SIGLEC6: variants seen among roughly 807,000 people sequenced by gnomAD.
SIGLEC6 encodes sialic acid binding Ig like lectin 6.
A neutral mutation model predicts 41.4 loss-of-function variants in SIGLEC6; 31 were observed. The observed-to-expected ratio is 0.75, with a 90% CI of 0.56 to 1.01. The LOEUF (loss-of-function observed/expected upper bound fraction) is 1.01, where lower values mean the gene tolerates loss of function less well. Among genes scored for constraint, SIGLEC6 ranks in the 50% least tolerant of loss-of-function variants. SIGLEC6 has a pLI of 0.00. For synonymous variants in SIGLEC6, 217 were observed against 231.0 expected (o/e 0.94, Z 0.55); for missense variants, 555 against 558.6 (o/e 0.99, Z 0.06).
rs760911665 is a variant in SIGLEC6, at chr19:51,531,244, C to T, written c.343G>A (p.Asp115Asn). 4.3e-6 allele frequency: 7 copies of T among 1,614,034 alleles called. No homozygotes were observed. The highest frequency in any genetic ancestry group is 5.9e-6 in the Non-Finnish European group (7 of 1,179,952). Residue 115 changes from aspartate (D) to asparagine (N), a missense_variant, in exon 2 of 8, where the codon GAC (aspartate) becomes AAC (asparagine). Coordinates refer to ENST00000425629, the MANE Select transcript of SIGLEC6 (RefSeq NM_001245.7). The stretch of plus-strand genomic sequence containing the variant: ...AACCGAAAGAAGTATGCAGCATTGT[C>T]CCTCCTCCGGGCATCTCTGATGCTC... ...SLSIRDARRR[D>N]NAAYFFRLKS...
intron 4 of SIGLEC6, 113 bp from the exon 5 acceptor site, chr19:51,530,094 G>C (rs1213341418): frequency 4.6e-6 from 6 of 1,309,984 alleles, no homozygotes. Flanking sequence ...AGTAAAGTGG[G>C]GGCCTCAGGT....
intron 7 of SIGLEC6, among the ~76,000 whole-genome samples, chr19:51,522,522 T>A (rs562442785): frequency 4.6e-5 from 7 of 152,228 alleles, no homozygotes; most frequent in Non-Finnish European, 1.0e-4. Context: ...TGGTTGTTCA[T>A]GCCTGTAATC....
chr19:51,522,362 C>A (rs1005498414), intron 7 of SIGLEC6, among the ~76,000 whole-genome samples: 11 of 152,228 alleles, frequency 7.2e-5, no homozygotes, highest in African/African-American at 2.6e-4. Flanking sequence ...CAGTATGCCA[C>A]CAAAATCACT....
Position 51,529,615 on chromosome 19 carries a change from G to A in SIGLEC6, c.1012+109C>T, listed in dbSNP as rs1389329444. On this transcript the variant is annotated intron_variant, in intron 5 of 7. Transcript: ENST00000425629. The stretch of plus-strand genomic sequence containing the variant: ...CAGAGGTAGGAGGGTCCCAGCAGTT[G>A]TGAGGGGTCTGGGGAGGGAGGACAG... The A allele has an allele frequency of 1.1e-5, 15 of 1,408,200 alleles. No individual in the cohort carries two copies. In the East Asian group the frequency reaches 3.4e-4, roughly 32 times the overall value. 87.2% of individuals were successfully genotyped at this position (1,408,200 alleles called of 1,614,324 possible).
chr19:51,531,169 G>A lies in SIGLEC6; in HGVS notation c.418C>T (p.Arg140Cys), dbSNP rs1227280398. ...YGYTSSKLSVRVMALTHRPNI... is the reference protein window; with the variant it reads ...YGYTSSKLSVCVMALTHRPNI... Reference sequence around the variant, plus strand: ...GGAGCTGGTTCCTTACCCATCACACGCACAGAGAGCTTGGAAGATGTATAA... The same window carrying A: ...GGAGCTGGTTCCTTACCCATCACACACACAGAGAGCTTGGAAGATGTATAA... The change falls in exon 2 of 8, where the codon CGT (arginine) becomes TGT (cysteine). Residue 140 changes from arginine (R) to cysteine (C), a missense_variant. By Grantham distance (180) the Arg-to-Cys change is radical. Transcript: ENST00000425629. 4 of 1,584,690 alleles carry A rather than the reference G, an allele frequency of 2.5e-6. No homozygotes were observed. The highest frequency in any genetic ancestry group is 1.3e-5 in the African/African-American group (1 of 74,458).
At chr19:51,525,438 C>A (rs1216347427) in intron 7 of SIGLEC6, among the ~76,000 whole-genome samples, 2 of 152,172 alleles carry the variant, frequency 1.3e-5, no homozygotes, top group Non-Finnish European at 2.9e-5. Flanking sequence ...AGCAGCCAGA[C>A]CGTATCAGTG....
intron 2 of SIGLEC6, 38 bp downstream of exon 2, chr19:51,531,122 A>T: frequency 6.4e-7 from 1 of 1,559,348 alleles, no homozygotes; most frequent in Non-Finnish European, 8.7e-7. Flanking sequence ...GGCCCCCATG[A>T]CCTTCCCCTG....
In SIGLEC6 at chr19:51,519,869, G is replaced by T; in HGVS notation, c.*213C>A. ...AGACCATGTGAAGACACAAGGAGGA[G>T]ACAGCCATCTACAAGCCAACAAGAG... On this transcript the variant is annotated 3_prime_UTR_variant, in exon 8 of 8. Coordinates refer to ENST00000425629, the MANE Select transcript of SIGLEC6 (RefSeq NM_001245.7). The T allele has an allele frequency of 3.0e-6, 1 of 328,174 alleles. No individual in the cohort carries two copies. The highest frequency in any genetic ancestry group is 5.6e-6 in the Non-Finnish European group (1 of 179,294). 20.3% of individuals were successfully genotyped at this position (328,174 alleles called of 1,614,324 possible). A position where few individuals can be genotyped will look rare whatever the true frequency, so the allele number is the denominator to read the frequency against.
At chr19:51,521,765 C>T (rs952459784) in intron 7 of SIGLEC6, among the ~76,000 whole-genome samples, 5 of 152,142 alleles carry the variant, frequency 3.3e-5, no homozygotes, top group African/African-American at 9.7e-5. Context: ...AGTTCTCACT[C>T]AGGCTATGGT....
intron 7 of SIGLEC6, among the ~76,000 whole-genome samples, chr19:51,523,429 G>A (rs555083277): frequency 6.6e-6 from 1 of 152,274 alleles, no homozygotes; most frequent in Admixed American, 6.5e-5. Context: ...TGATTAAAAT[G>A]TTTTCACAAT....
chr19:51,527,865 T>C, intron 6 of SIGLEC6, 37 bp from the exon 7 acceptor site: 1 of 1,594,280 alleles, frequency 6.3e-7, no homozygotes, highest in Non-Finnish European at 8.6e-7. Context: ...GCCTGGTTAT[T>C]TGGAGCCTCT....
chr19:51,526,468 ACAAGAATTTAG>A (rs1471899377), intron 7 of SIGLEC6, among the ~76,000 whole-genome samples: 1 of 152,244 alleles, frequency 6.6e-6, no homozygotes, highest in Non-Finnish European at 1.5e-5. Flanking sequence ...GAAACTAAGG[ACAAGAATTTAG>A]CAACAAATAA....
intron 7 of SIGLEC6, among the ~76,000 whole-genome samples, chr19:51,524,279 TAAG>T (rs1206180456): frequency 1.3e-5 from 2 of 152,046 alleles, no homozygotes; most frequent in African/African-American, 2.4e-5. Flanking sequence ...GTGTTAAAAG[TAAG>T]AGGAGGGAAA....
intron 7 of SIGLEC6, among the ~76,000 whole-genome samples, chr19:51,520,488 G>A (rs1010321306): frequency 4.6e-5 from 7 of 152,018 alleles, no homozygotes; most frequent in African/African-American, 1.4e-4. Context: ...ACCTGGGTTC[G>A]AATGAACCTT....
At chr19:51,528,080 C>T in intron 6 of SIGLEC6, 80 bp downstream of exon 6, 1 of 1,320,350 alleles carries the variant, frequency 7.6e-7, no homozygotes, top group Non-Finnish European at 1.1e-6. Context: ...TTTTCCTCCA[C>T]TCAGGTTTTC....
At position 51,531,475 on chromosome 19, in the gene SIGLEC6, A is replaced by C. The variant is rs569609721; in HGVS notation, c.112T>G (p.Ser38Ala). 12 of 1,613,604 alleles carry C rather than the reference A, an allele frequency of 7.4e-6. No individual in the cohort carries two copies. In the Admixed American group the frequency reaches 1.5e-4, roughly 20 times the overall value. The change falls in exon 2 of 8, where the codon TCA (serine) becomes GCA (alanine). Residue 38 changes from serine to alanine, a missense_variant. Ser to Ala is a moderately conservative substitution (Grantham distance 99). Coordinates refer to ENST00000425629, the MANE Select transcript of SIGLEC6 (RefSeq NM_001245.7). ...CACAGACCCTCCTGCACCGTCAGTG[A>C]CTCTGGCCCCTCCAGCTGGAATCTC... ...ERRFQLEGPESLTVQEGLCVL... is the reference protein window; with the variant it reads ...ERRFQLEGPEALTVQEGLCVL...
chr19:51,521,361 A>AGT (rs896098488), intron 7 of SIGLEC6, among the ~76,000 whole-genome samples: 84 of 151,428 alleles, frequency 5.5e-4, no homozygotes, highest in Admixed American at 3.3e-3. Context: ...TTTATACTGG[A>AGT]GTGTGTGTGT....
In SIGLEC6 at chr19:51,527,797, G is replaced by T. The variant is rs772979092; in HGVS notation, c.1138C>A (p.Pro380Thr). 1 of 1,614,068 alleles carries T rather than the reference G, an allele frequency of 6.2e-7. No homozygotes were observed. Among genetic ancestry groups the T allele is most frequent in the Admixed American group, 1.7e-5 (1 of 60,020 alleles). ...TTCACATCATCCGTGTTTTGCACTG[G>T]CTGGGCTGCTTTCTTCCTTCTAGTC... Reference protein sequence around the residue: ...VKTRRKKAAQPVQNTDDVNPV... With the variant: ...VKTRRKKAAQTVQNTDDVNPV... Residue 380 changes from proline to threonine, a missense_variant, in exon 7 of 8, where the codon CCA (proline) becomes ACA (threonine). Pro to Thr is a conservative substitution (Grantham distance 38, BLOSUM62 -1). Transcript: ENST00000425629.
chr19:51,522,925 C>T (rs555169437), intron 7 of SIGLEC6, among the ~76,000 whole-genome samples: 1 of 152,228 alleles, frequency 6.6e-6, no homozygotes, highest in African/African-American at 2.4e-5. Context: ...TGCTTGAGCC[C>T]ATGAGTTTGA....
Sources: allele counts gnomAD v4.1 joint callset (sites outside exome capture counted in the v4.1 genomes callset), GRCh38; gene constraint gnomAD v4.1.1; transcripts MANE v1.5; gene names NCBI Gene and HGNC (gene_info 2026-07-23, HGNC 2026-07-21).